Variants in SEMA3C observed in about 807,000 individuals in gnomAD.
SEMA3C encodes the protein semaphorin 3C.
SEMA3C carries 47 observed loss-of-function variants against 89.4 expected under a neutral mutation model. The observed-to-expected ratio is 0.53, with a 90% CI of 0.42 to 0.67. The LOEUF (loss-of-function observed/expected upper bound fraction) is 0.67, where lower values mean the gene tolerates loss of function less well. Ranked by LOEUF, SEMA3C falls within the 30% of genes least tolerant of loss-of-function variation. SEMA3C has a pLI of 0.00. For synonymous variants in SEMA3C, 310 were observed against 320.2 expected, an observed-to-expected ratio of 0.97 and a Z score of 0.34; for missense variants, 839 against 929.1, an observed-to-expected ratio of 0.90 and a Z score of 1.26.
chr7:80,893,354 G>A (rs1306103182), intron 2 of SEMA3C, among the ~76,000 whole-genome samples: 2 of 152,080 alleles, frequency 1.3e-5, no homozygotes, highest in East Asian at 3.9e-4. Flanking sequence ...GGAAATTTAT[G>A]TCTACACCAT....
At chr7:80,749,284 T>C (rs1018995987) in intron 16 of SEMA3C, among the ~76,000 whole-genome samples, 2 of 152,196 alleles carry the variant, frequency 1.3e-5, no homozygotes, top group African/African-American at 4.8e-5. Context: ...ATTCAAGAAT[T>C]ATTCCACACC....
At chr7:80,904,005 T>C (rs183757786) in intron 2 of SEMA3C, among the ~76,000 whole-genome samples, 1 of 152,308 alleles carries the variant, frequency 6.6e-6, no homozygotes, top group Admixed American at 6.5e-5. Context: ...TTTAATCCCC[T>C]ATATGTTAGG....
Position 80,828,638 on chromosome 7 carries a change from T to C in SEMA3C, c.211A>G (p.Lys71Glu). ...EDQDRIYVGS[K>E]DHILSLNINN... ...ATATTCAGGGAAAGAATGTGATCTT[T>C]GCTTCCCACATATATCCGGTCCTGA... Residue 71 changes from lysine to glutamate, a missense_variant, in exon 3 of 18, where the codon AAA becomes GAA. Physicochemically the swap from Lys to Glu is moderately conservative, Grantham distance 56 (BLOSUM62 1). Transcript: ENST00000265361. The C allele has an allele frequency of 6.2e-7, 1 of 1,612,166 alleles. No homozygotes were observed. Among genetic ancestry groups the C allele is most frequent in the Non-Finnish European group, 8.5e-7 (1 of 1,178,662 alleles).
At chr7:80,760,200 TCTCA>T (rs1788154419) in intron 14 of SEMA3C, among the ~76,000 whole-genome samples, 3 of 152,188 alleles carry the variant, frequency 2.0e-5, no homozygotes, top group South Asian at 4.1e-4. Context: ...TTGCCTTGAA[TCTCA>T]CTGTTTTAAT....
chr7:80,918,660 C>A (rs993833538), intron 1 of SEMA3C, among the ~76,000 whole-genome samples, 168 bp downstream of exon 1: 1 of 152,190 alleles, frequency 6.6e-6, no homozygotes, highest in Admixed American at 6.5e-5. Flanking sequence ...CCTAAAGAAA[C>A]AACTCGAGCA....
chr7:80,761,865 C>T (rs1788191122), intron 13 of SEMA3C, among the ~76,000 whole-genome samples: 1 of 151,708 alleles, frequency 6.6e-6, no homozygotes, highest in Admixed American at 6.6e-5. Flanking sequence ...AGAGTTGTTA[C>T]ACAGATATAT....
At chr7:80,827,326 C>CAT (rs1250227278) in intron 4 of SEMA3C, 99 bp downstream of exon 4, 37 of 1,253,824 alleles carry the variant, frequency 3.0e-5, no homozygotes, top group Non-Finnish European at 3.9e-5. Context: ...AAAACACCAC[C>CAT]ATCCTTGTCT....
At position 80,818,400 on chromosome 7, in the gene SEMA3C, C is replaced by A; in HGVS notation, c.346G>T (p.Val116Phe). The A allele has an allele frequency of 6.2e-7, 1 of 1,613,028 alleles. No individual in the cohort carries two copies. The highest frequency in any genetic ancestry group is 8.5e-7 in the Non-Finnish European group (1 of 1,179,184). ...KDPTHGCGNF[V>F]RVIQTFNRTH... ...CGATTGAAAGTCTGAATTACACGGA[C>A]AAAGTTCCCACAGCCGTGCTAAAAG... Residue 116 changes from valine (V) to phenylalanine (F), a missense_variant, in exon 5 of 18, where the codon GTC becomes TTC. Physicochemically the swap from Val to Phe is conservative, Grantham distance 50 (BLOSUM62 -1). Transcript: ENST00000265361.
intron 10 of SEMA3C, among the ~76,000 whole-genome samples, chr7:80,799,054 GA>G (rs1789134850): frequency 6.6e-6 from 1 of 151,964 alleles, no homozygotes; most frequent in Non-Finnish European, 1.5e-5. Context: ...AACAAAACAA[GA>G]AAAATCGTTT....
At chr7:80,812,790 T>C (rs1374283373) in intron 5 of SEMA3C, among the ~76,000 whole-genome samples, 1 of 151,814 alleles carries the variant, frequency 6.6e-6, no homozygotes, top group Non-Finnish European at 1.5e-5. Context: ...GTTGTTGTTG[T>C]TTGTTTGTCT....
chr7:80,849,424 CTGATCA>C lies in SEMA3C; in HGVS notation c.104-20685_104-20680del, dbSNP rs1278618152. ...AAATCCTTAATATTTTGTTTTTAAACTGATCAACTATAAGTTTCTTTTATCATTATC... is the reference window on the plus strand; with the variant it reads ...AAATCCTTAATATTTTGTTTTTAAACACTATAAGTTTCTTTTATCATTATC... On this transcript the variant is annotated intron_variant, in intron 2 of 17. Coordinates refer to ENST00000265361, the MANE Select transcript of SEMA3C (RefSeq NM_006379.5). Among the ~76,000 whole-genome samples the C allele has an allele frequency of 1.9e-3, 286 of 151,728 alleles. 3 individuals are homozygous for C. In the East Asian group the frequency reaches 0.021, roughly 11 times the overall value.
intron 12 of SEMA3C, among the ~76,000 whole-genome samples, chr7:80,784,407 G>A (rs1156540840): frequency 2.6e-5 from 4 of 151,912 alleles, no homozygotes; most frequent in Non-Finnish European, 5.9e-5. Context: ...TCAGGAATGG[G>A]TGGGAAAATA....
At chr7:80,794,134 C>T (rs1789007738) in intron 11 of SEMA3C, among the ~76,000 whole-genome samples, 1 of 151,954 alleles carries the variant, frequency 6.6e-6, no homozygotes, top group African/African-American at 2.4e-5. Context: ...CTAACCCACA[C>T]AGAGCTTCGA....
intron 13 of SEMA3C, among the ~76,000 whole-genome samples, chr7:80,764,822 G>A (rs1425095865): frequency 6.6e-6 from 1 of 152,028 alleles, no homozygotes; most frequent in Admixed American, 6.6e-5. Flanking sequence ...TGAAGCAAAT[G>A]ATAAAAGCCC....
chr7:80,922,140 A>G (rs992284890), upstream of SEMA3C: 67 of 618,004 alleles, frequency 1.1e-4, no homozygotes, highest in Non-Finnish European at 1.5e-4. Context: ...ACAATTTTCA[A>G]TGAGAGAACG....
chr7:80,837,639 T>C (rs1790164323), intron 2 of SEMA3C, among the ~76,000 whole-genome samples: 1 of 152,242 alleles, frequency 6.6e-6, no homozygotes, highest in Non-Finnish European at 1.5e-5. Context: ...CCTCAGGACC[T>C]TTGTACATGT....
intron 12 of SEMA3C, among the ~76,000 whole-genome samples, chr7:80,775,519 T>C (rs1788527826): frequency 6.6e-6 from 1 of 152,168 alleles, no homozygotes; most frequent in South Asian, 2.1e-4. Flanking sequence ...TAGGGAATTA[T>C]ATTCTATTTT....
At chr7:80,888,639 G>C (rs921960239) in intron 2 of SEMA3C, among the ~76,000 whole-genome samples, 7 of 152,016 alleles carry the variant, frequency 4.6e-5, no homozygotes, top group African/African-American at 1.7e-4. Context: ...TCGTTCTCAA[G>C]TGTCTGAATT....
chr7:80,851,420 C>T (rs1254738351), intron 2 of SEMA3C, among the ~76,000 whole-genome samples: 1 of 142,606 alleles, frequency 7.0e-6, no homozygotes, highest in Non-Finnish European at 1.5e-5. Context: ...AGGAGAATTG[C>T]TTGAACCTGG....
Sources: allele counts gnomAD v4.1 joint callset (sites outside exome capture counted in the v4.1 genomes callset), GRCh38; gene constraint gnomAD v4.1.1; transcripts MANE v1.5; gene names NCBI Gene and HGNC (gene_info 2026-07-23, HGNC 2026-07-21).